THSD7B: variants seen among roughly 807,000 people sequenced by gnomAD.
The protein encoded by THSD7B is thrombospondin type-1 domain-containing protein 7B.
In THSD7B, 138 loss-of-function variants were observed where a neutral mutation model predicts 213.6. The ratio of observed to expected loss-of-function variants is 0.65; its 90% CI spans 0.56 to 0.74. The LOEUF (loss-of-function observed/expected upper bound fraction) is 0.74, where lower values mean the gene tolerates loss of function less well. Among genes scored for constraint, THSD7B ranks in the 30% least tolerant of loss-of-function variants. The pLI is 0.00. For synonymous variants in THSD7B, 742 were observed against 687.0 expected, an observed-to-expected ratio of 1.08 and a Z score of -1.25; for missense variants, 1,931 against 1,991.5, an observed-to-expected ratio of 0.97 and a Z score of 0.58.
chr2:137,062,742 A>G (rs1687300685), intron 3 of THSD7B, among the ~76,000 whole-genome samples: 2 of 151,794 alleles, frequency 1.3e-5, no homozygotes, highest in African/African-American at 4.8e-5. Context: ...CTTATCTTGA[A>G]TATTTTATGT....
intron 10 of THSD7B, among the ~76,000 whole-genome samples, chr2:137,257,871 T>A (rs183058463): frequency 3.8e-4 from 58 of 152,268 alleles, no homozygotes; most frequent in African/African-American, 1.2e-3. Flanking sequence ...TGGACCCACA[T>A]TGCTTGGGTT....
At chr2:137,395,303 C>A (rs930730762) in intron 12 of THSD7B, among the ~76,000 whole-genome samples, 1 of 147,926 alleles carries the variant, frequency 6.8e-6, no homozygotes, top group Non-Finnish European at 1.5e-5. Flanking sequence ...GTGGGTTTGT[C>A]ATAGATAGCT....
rs1421932910 is a variant in THSD7B, at chr2:137,397,293, C to T, written c.2501-8320C>T. ...TTTACATTTGGGCATGATTTTGCAGCGGCTGGTACCGGTTGTTCCTTTCCA... is the reference window on the plus strand; with the variant it reads ...TTTACATTTGGGCATGATTTTGCAGTGGCTGGTACCGGTTGTTCCTTTCCA... On this transcript the variant is annotated intron_variant, in intron 12 of 27. Coordinates refer to ENST00000409968, the MANE Select transcript of THSD7B (RefSeq NM_001316349.2). 1.1e-4 allele frequency among the ~76,000 whole-genome samples: 16 copies of T among 152,112 alleles called. No individual in the cohort carries two copies. The East Asian group carries it at 1.2e-3, about 11-fold the overall frequency.
At chr2:137,236,424 TAGCTGGTAAC>T (rs1681765313) in intron 9 of THSD7B, among the ~76,000 whole-genome samples, 2 of 152,214 alleles carry the variant, frequency 1.3e-5, no homozygotes, top group Non-Finnish European at 2.9e-5. Context: ...AAATGAGAGC[TAGCTGGTAAC>T]AACTGAATCA....
At chr2:137,439,828 G>T (rs1334041016) in intron 14 of THSD7B, among the ~76,000 whole-genome samples, 3 of 152,148 alleles carry the variant, frequency 2.0e-5, no homozygotes, top group South Asian at 4.1e-4. Flanking sequence ...TTATAAATCA[G>T]AATTTATAAT....
chr2:137,570,994 TAG>T (rs1457238315), intron 16 of THSD7B, among the ~76,000 whole-genome samples: 6 of 152,180 alleles, frequency 3.9e-5, no homozygotes, highest in Admixed American at 1.3e-4. Flanking sequence ...GTGATATAAA[TAG>T]AGAGAAATGC....
chr2:137,393,563 T>C (rs1167728387), intron 12 of THSD7B, among the ~76,000 whole-genome samples: 1 of 148,594 alleles, frequency 6.7e-6, no homozygotes, highest in African/African-American at 2.5e-5. Context: ...TCTATCATTG[T>C]TGGACATTTG....
intron 5 of THSD7B, among the ~76,000 whole-genome samples, chr2:137,131,411 T>C (rs1392443675): frequency 6.6e-6 from 1 of 152,184 alleles, no homozygotes; most frequent in Non-Finnish European, 1.5e-5. Context: ...ATGTTGGCTT[T>C]TGTTGCCATT....
intron 4 of THSD7B, among the ~76,000 whole-genome samples, chr2:137,111,061 A>G (rs1688337803): frequency 6.6e-6 from 1 of 152,232 alleles, no homozygotes; most frequent in Non-Finnish European, 1.5e-5. Context: ...ACATTTCTCC[A>G]TAACATATCT....
intron 10 of THSD7B, among the ~76,000 whole-genome samples, chr2:137,272,172 G>A (rs1168055017): frequency 6.6e-6 from 1 of 152,072 alleles, no homozygotes; most frequent in East Asian, 1.9e-4. Flanking sequence ...AAGGGACTGA[G>A]TTGCTAATAA....
intron 15 of THSD7B, among the ~76,000 whole-genome samples, chr2:137,547,427 T>G (rs77968347): frequency 0.16 from 24,592 of 151,980 alleles, 2,174 homozygotes; most frequent in South Asian, 0.28. Context: ...TTTTCTACAG[T>G]AGAAGGAAAA....
intron 9 of THSD7B, among the ~76,000 whole-genome samples, chr2:137,240,231 C>T (rs1417166385): frequency 6.6e-6 from 1 of 152,198 alleles, no homozygotes; most frequent in Admixed American, 6.5e-5. Context: ...TAGTTCTCAT[C>T]CTGTACTCTC....
chr2:137,141,506 A>T (rs1214564085), intron 5 of THSD7B, among the ~76,000 whole-genome samples: 1 of 150,026 alleles, frequency 6.7e-6, no homozygotes, highest in East Asian at 2.0e-4. Context: ...ACACACACAC[A>T]CACACACACA....
intron 15 of THSD7B, among the ~76,000 whole-genome samples, chr2:137,550,348 C>G (rs1680823164): frequency 6.6e-6 from 1 of 152,050 alleles, no homozygotes; most frequent in African/African-American, 2.4e-5. Context: ...ATTTATGTTG[C>G]TGATTGAGTG....
At chr2:137,172,039 G>A (rs985737765) in intron 7 of THSD7B, among the ~76,000 whole-genome samples, 2 of 152,136 alleles carry the variant, frequency 1.3e-5, no homozygotes, top group Non-Finnish European at 2.9e-5. Flanking sequence ...TAACATATGT[G>A]CAATTTAGTA....
At chr2:137,140,825 AG>A (rs1048704540) in intron 5 of THSD7B, among the ~76,000 whole-genome samples, 48 of 152,174 alleles carry the variant, frequency 3.2e-4, no homozygotes, top group African/African-American at 1.1e-3. Context: ...TTAACAAAAA[AG>A]GAATAAGTGT....
intron 7 of THSD7B, among the ~76,000 whole-genome samples, chr2:137,188,575 C>G (rs1573875479): frequency 6.6e-6 from 1 of 152,180 alleles, no homozygotes; most frequent in Non-Finnish European, 1.5e-5. Flanking sequence ...AGGCAGAATA[C>G]CTCTGAAGAC....
intron 3 of THSD7B, among the ~76,000 whole-genome samples, chr2:137,063,659 A>ATTTTCCCCAATCACCACTAC: frequency 6.6e-6 from 1 of 151,854 alleles, no homozygotes; most frequent in Admixed American, 6.6e-5. Context: ...ATTAATCTCC[A>ATTTTCCCCAATCACCACTAC]TTTTCCCCAA....
chr2:137,179,043 T>C (rs1680407542), intron 7 of THSD7B, among the ~76,000 whole-genome samples: 1 of 152,222 alleles, frequency 6.6e-6, no homozygotes, highest in Non-Finnish European at 1.5e-5. Context: ...CTATCTCTTC[T>C]GAAATTCTTC....
Sources: gnomAD v4.1 joint callset for allele counts (sites outside exome capture counted in the v4.1 genomes callset) on GRCh38, gnomAD v4.1.1 for gene constraint, MANE v1.5 for transcripts, NCBI Gene and HGNC (gene_info 2026-07-23, HGNC 2026-07-21) for gene names.